The following SLC7A6 variants were observed in gnomAD, a reference collection of about 807,000 sequenced individuals.
SLC7A6 encodes Y+L amino acid transporter 2.
A neutral mutation model predicts 46.6 loss-of-function variants in SLC7A6; 29 were observed. The observed-to-expected ratio is 0.62, with a 90% confidence interval of 0.46 to 0.85. SLC7A6 has a LOEUF of 0.85. Among genes scored for constraint, SLC7A6 ranks in the 40% least tolerant of loss-of-function variants. SLC7A6 has a pLI of 0.00. For missense variants in SLC7A6, 527 were observed against 647.6 expected, an observed-to-expected ratio of 0.81 and a Z score of 2.02; for synonymous variants, 276 against 257.3, an observed-to-expected ratio of 1.07 and a Z score of -0.70.
chr16:68,275,596 CAAAAAA>C (rs10578259), intron 3 of SLC7A6, among the ~76,000 whole-genome samples: 3 of 100,590 alleles, frequency 3.0e-5, no homozygotes, highest in Non-Finnish European at 2.0e-5. Context: ...ACTCTGTCTC[CAAAAAA>C]AAAAAAAAAA....
Position 68,300,421 on chromosome 16 carries a change from A to ATAG in SLC7A6, c.*3098_*3100dup. The ATAG allele has an allele frequency of 2.5e-5, 4 of 160,036 alleles. 1 individual carries two copies. In the Admixed American group the frequency reaches 2.6e-4, roughly 10 times the overall value. The allele number at this position is 160,036 out of a possible 1,614,324, so 9.9% of individuals were successfully genotyped here. A position where few individuals can be genotyped will look rare whatever the true frequency, so the allele number is the denominator to read the frequency against. On this transcript the variant is annotated 3_prime_UTR_variant, in exon 11 of 11. Coordinates refer to ENST00000219343, the MANE Select transcript of SLC7A6 (RefSeq NM_003983.6). ...GTTGTTAATAAAATTGATCCTGTTG[A>ATAG]TAGTAGTTTGTTTTTGTGGTGGGTG...
chr16:68,286,900 G>A (rs1013036054), intron 3 of SLC7A6, among the ~76,000 whole-genome samples: 1 of 152,120 alleles, frequency 6.6e-6, no homozygotes, highest in Admixed American at 6.6e-5. Context: ...TCCATAAAAT[G>A]GGAATAGGAA....
intron 2 of SLC7A6, 119 bp from the exon 3 acceptor site, chr16:68,274,572 G>A: frequency 1.3e-6 from 1 of 769,860 alleles, no homozygotes; most frequent in South Asian, 1.8e-5. Context: ...CAGGCCTATT[G>A]TAGTTAGGGC....
chr16:68,295,007 T>C, intron 8 of SLC7A6: 3 of 454,066 alleles, frequency 6.6e-6, no homozygotes. Context: ...TAGCATAGTA[T>C]TGAGAAAGGT....
rs2043177961 is a variant in SLC7A6, at chr16:68,296,794, T to C, written c.1437T>C (p.Phe479=). The C allele has an allele frequency of 6.2e-7, 1 of 1,614,030 alleles. No individual in the cohort carries two copies. Among genetic ancestry groups the C allele is most frequent in the African/African-American group, 1.3e-5 (1 of 74,912 alleles). ...TGCCAGAGTCCCGGAGGCCATTGTT[T>C]ATTCGGAATGTCCTGGGTGAGCTTC... is the stretch of plus-strand genomic sequence containing the variant. ...VYLPESRRPL[F]IRNVLAAITR... Residue 479 remains phenylalanine, a synonymous_variant, in exon 10 of 11, where the codon TTT becomes TTC. Transcript: ENST00000219343.
rs191788203 is a variant in SLC7A6, at chr16:68,295,423, G to T, written c.1119+622G>T. ...AGCATTGAATTTATAAATTTAGGAGGTTATCTGACTATAGGCACACACCAC... is the reference window on the plus strand; with the variant it reads ...AGCATTGAATTTATAAATTTAGGAGTTTATCTGACTATAGGCACACACCAC... On this transcript the variant is annotated intron_variant, in intron 8 of 10. Coordinates refer to ENST00000219343, the MANE Select transcript of SLC7A6 (RefSeq NM_003983.6). 4.4e-4 allele frequency among the ~76,000 whole-genome samples: 67 copies of T among 152,264 alleles called. No individual in the cohort carries two copies. The East Asian group carries it at 0.01, about 24-fold the overall frequency.
intron 1 of SLC7A6, among the ~76,000 whole-genome samples, chr16:68,265,959 G>C (rs2042524422): frequency 1.3e-5 from 2 of 152,086 alleles, no homozygotes; most frequent in Admixed American, 1.3e-4. Flanking sequence ...ATGTATATTA[G>C]TTTCTAAAAA....
rs1021864271 is a variant in SLC7A6 at position 68,301,499 on chromosome 16, C to T, written c.*4171C>T. 1.5e-5 allele frequency: 16 copies of T among 1,038,592 alleles called. No homozygotes were observed. The highest frequency in any genetic ancestry group is 4.4e-4 in the Middle Eastern group (2 of 4,538). The allele number at this position is 1,038,592 out of a possible 1,614,324, so 64.3% of individuals were successfully genotyped here. A position where few individuals can be genotyped will look rare whatever the true frequency, so the allele number is the denominator to read the frequency against. On this transcript the variant is annotated 3_prime_UTR_variant, in exon 11 of 11. Coordinates refer to ENST00000219343, the MANE Select transcript of SLC7A6 (RefSeq NM_003983.6). Reference sequence around the variant, plus strand: ...TCTCAGAAAGGTCTGTTTTTGTTCCCGATTGTAATGCAAAATCCTTGCTCA... The same window carrying T: ...TCTCAGAAAGGTCTGTTTTTGTTCCTGATTGTAATGCAAAATCCTTGCTCA...
In SLC7A6 at chr16:68,297,259, G is replaced by C; in HGVS notation, c.1479G>C (p.Gln493His). The change falls in exon 11 of 11, where the codon CAG (glutamine) becomes CAC (histidine). Residue 493 changes from glutamine to histidine, a missense_variant. Gln to His is a conservative substitution (Grantham distance 24). Transcript: ENST00000219343. Reference protein sequence around the residue: ...VLAAITRGTQQLCFCVLTELD... With the variant: ...VLAAITRGTQHLCFCVLTELD... ...CTGCTATCACCAGAGGCACCCAGCAGCTTTGCTTTTGTGTCCTGACTGAGC... is the reference window on the plus strand; with the variant it reads ...CTGCTATCACCAGAGGCACCCAGCACCTTTGCTTTTGTGTCCTGACTGAGC... The C allele has an allele frequency of 6.2e-7, 1 of 1,614,144 alleles. No homozygotes were observed. Among genetic ancestry groups the C allele is most frequent in the Non-Finnish European group, 8.5e-7 (1 of 1,180,004 alleles).
intron 3 of SLC7A6, chr16:68,287,469 G>A: frequency 3.0e-6 from 4 of 1,351,798 alleles, no homozygotes; most frequent in Non-Finnish European, 2.9e-6. Context: ...GGCCTGGGGG[G>A]AATTCCCAGA....
At position 68,290,619 on chromosome 16, in the gene SLC7A6, C is replaced by T. The variant is rs573752017; in HGVS notation, c.794+79C>T. On this transcript the variant is annotated intron_variant, in intron 5 of 10. Coordinates refer to ENST00000219343, the MANE Select transcript of SLC7A6 (RefSeq NM_003983.6). ...AGTGGGCGTGCCTGCCCTCATCCTT[C>T]TCCTCCTCCCTCCGACTCTCCTCCC... 1.8e-4 allele frequency: 273 copies of T among 1,506,422 alleles called. 1 individual carries two copies. The African/African-American group carries it at 3.2e-3, about 18-fold the overall frequency. 93.3% of individuals were successfully genotyped at this position (1,506,422 alleles called of 1,614,324 possible).
chr16:68,286,577 G>C (rs1240175600), intron 3 of SLC7A6, among the ~76,000 whole-genome samples: 1 of 152,184 alleles, frequency 6.6e-6, no homozygotes, highest in African/African-American at 2.4e-5. Flanking sequence ...TTGTATGCTA[G>C]AGGCAGTACT....
At position 68,298,742 on chromosome 16, in the gene SLC7A6, C is replaced by CTG. The variant is rs2043218021; in HGVS notation, c.*1414_*1415insTG. ...CTGGTGCTCAGGCTGGGCTCTCCAC[C>CTG]CAAGTTAGGCCTGCTCTGGCCTAAT... On this transcript the variant is annotated 3_prime_UTR_variant, in exon 11 of 11. Transcript: ENST00000219343. 1 of 152,240 alleles carries CTG rather than the reference C, an allele frequency of 6.6e-6. No homozygotes were observed. Among genetic ancestry groups the CTG allele is most frequent in the Non-Finnish European group, 1.5e-5 (1 of 68,084 alleles). 9.4% of individuals were successfully genotyped at this position (152,240 alleles called of 1,614,324 possible).
intron 2 of SLC7A6, among the ~76,000 whole-genome samples, chr16:68,272,722 T>A (rs2042642343): frequency 6.6e-6 from 1 of 152,172 alleles, no homozygotes; most frequent in Non-Finnish European, 1.5e-5. Flanking sequence ...AGGGAATACC[T>A]AGTAAGCTCA....
At position 68,301,069 on chromosome 16, in the gene SLC7A6, C is replaced by A; in HGVS notation, c.*3741C>A. The stretch of plus-strand genomic sequence containing the variant: ...ACTGTAGGGTCACTTTTGATTGAGG[C>A]AAAGGGGTCCTACTGTAAGTGGAAA... On this transcript the variant is annotated 3_prime_UTR_variant, in exon 11 of 11. Transcript: ENST00000219343. The A allele has an allele frequency of 8.0e-7, 1 of 1,246,654 alleles. No homozygotes were observed. The highest frequency in any genetic ancestry group is 1.0e-6 in the Non-Finnish European group (1 of 993,882). The allele number at this position is 1,246,654 out of a possible 1,614,324, so 77.2% of individuals were successfully genotyped here.
At chr16:68,282,865 G>T (rs990769960) in intron 3 of SLC7A6, among the ~76,000 whole-genome samples, 1 of 152,100 alleles carries the variant, frequency 6.6e-6, no homozygotes, top group African/African-American at 2.4e-5. Flanking sequence ...TGATTTGCCC[G>T]CCTCGGCCTC....
In SLC7A6 at chr16:68,294,774, T is replaced by C; in HGVS notation, c.1092T>C (p.Phe364=). The change falls in exon 8 of 11, where the codon TTT becomes TTC. Residue 364 remains phenylalanine (F), a synonymous_variant. Transcript: ENST00000219343. ...TGTCCATGATCCACATTGAGCGTTT[T>C]ACACCTATCCCTGCTTTACTGTTCA... is the stretch of plus-strand genomic sequence containing the variant. ...DLLSMIHIER[F]TPIPALLFNC... The C allele has an allele frequency of 6.2e-7, 1 of 1,614,032 alleles. No homozygotes were observed. Among genetic ancestry groups the C allele is most frequent in the Non-Finnish European group, 8.5e-7 (1 of 1,179,880 alleles).
At chr16:68,291,127 G>A (rs2043041460) in intron 5 of SLC7A6, 82 bp from the exon 6 acceptor site, 1 of 1,581,526 alleles carries the variant, frequency 6.3e-7, no homozygotes, top group Non-Finnish European at 8.7e-7. Context: ...TAAATGTTAG[G>A]AAAATCCCAG....
chr16:68,287,584 G>C, intron 3 of SLC7A6, 162 bp from the exon 4 acceptor site: 1 of 1,484,390 alleles, frequency 6.7e-7, no homozygotes. Flanking sequence ...GCTGGGGCGG[G>C]TGCAGGGTGT....
Sources: allele counts gnomAD v4.1 joint callset (sites outside exome capture counted in the v4.1 genomes callset), GRCh38; gene constraint gnomAD v4.1.1; transcripts MANE v1.5; gene names NCBI Gene and HGNC (gene_info 2026-07-23, HGNC 2026-07-21).